Variants in GALNT13 observed in about 807,000 individuals in gnomAD.
The protein encoded by GALNT13 is polypeptide N-acetylgalactosaminyltransferase 13, also known as UDP-GalNAc:polypeptide N-acetylgalactosaminyltransferase 13.
Under a neutral mutation model 64.2 loss-of-function variants are expected in GALNT13, and 28 were observed. That is an observed-to-expected ratio of 0.44 (90% CI 0.32 to 0.60). The LOEUF (loss-of-function observed/expected upper bound fraction) is 0.60, where lower values mean the gene tolerates loss of function less well. Ranked by LOEUF, GALNT13 falls within the 20% of genes least tolerant of loss-of-function variation. GALNT13 has a pLI of 0.05. For missense variants in GALNT13, 577 were observed against 669.8 expected (o/e 0.86, Z 1.53); for synonymous variants, 214 against 224.6 (o/e 0.95, Z 0.42).
the GALNT13 span, among the ~76,000 whole-genome samples, chr2:153,282,131 T>G: frequency 2.0e-5 from 3 of 152,128 alleles, no homozygotes; most frequent in Non-Finnish European, 2.9e-5. Flanking sequence ...TTTTTTTTTC[T>G]GACTGGGTTT....
At chr2:153,270,765 T>A in the GALNT13 span, among the ~76,000 whole-genome samples, 1 of 152,098 alleles carries the variant, frequency 6.6e-6, no homozygotes, top group Non-Finnish European at 1.5e-5. Flanking sequence ...GGTGGGAGGA[T>A]CACTTGAACT....
At chr2:154,127,749 T>G (rs1236455256) in intron 3 of GALNT13, among the ~76,000 whole-genome samples, 3 of 149,886 alleles carry the variant, frequency 2.0e-5, no homozygotes, top group Admixed American at 2.0e-4. Flanking sequence ...TATATGTGCA[T>G]ATATGTATAT....
the GALNT13 span, among the ~76,000 whole-genome samples, chr2:153,860,914 C>T: frequency 1.3e-5 from 2 of 152,154 alleles, no homozygotes; most frequent in Admixed American, 6.5e-5. Flanking sequence ...AGAAGGAGCT[C>T]TCATAGTACC....
chr2:154,010,890 A>G (rs1310139787), intron 3 of GALNT13, among the ~76,000 whole-genome samples: 1 of 151,852 alleles, frequency 6.6e-6, no homozygotes, highest in East Asian at 1.9e-4. Context: ...TATTCATAAT[A>G]GTCTCTGAGG....
chr2:153,825,072 CCCA>C, the GALNT13 span, among the ~76,000 whole-genome samples: 5 of 152,236 alleles, frequency 3.3e-5, no homozygotes, highest in African/African-American at 1.2e-4. Flanking sequence ...AACATCTTCC[CCCA>C]GGTATTCAAC....
chr2:154,034,757 T>TTGTTTAGTTCCG (rs1698555967), intron 3 of GALNT13, among the ~76,000 whole-genome samples: 2 of 152,170 alleles, frequency 1.3e-5, no homozygotes, highest in African/African-American at 4.8e-5. Context: ...TCTGTGTTGA[T>TTGTTTAGTTCCG]ACAAAAGATA....
At chr2:153,469,136 T>A in the GALNT13 span, among the ~76,000 whole-genome samples, 1 of 152,076 alleles carries the variant, frequency 6.6e-6, no homozygotes, top group Non-Finnish European at 1.5e-5. Flanking sequence ...AGAGGATATA[T>A]TGTCTAAAAA....
chr2:154,385,727 A>G (rs2105340843), intron 9 of GALNT13, among the ~76,000 whole-genome samples: 1 of 152,114 alleles, frequency 6.6e-6, no homozygotes. Flanking sequence ...CCGGTGCCTA[A>G]CTAAACCATA....
chr2:153,115,122 C>T, the GALNT13 span, among the ~76,000 whole-genome samples: 2 of 151,876 alleles, frequency 1.3e-5, no homozygotes, highest in Non-Finnish European at 2.9e-5. Flanking sequence ...CATGACTGTC[C>T]AGGTAAAGGC....
the GALNT13 span, among the ~76,000 whole-genome samples, chr2:153,443,555 A>AT: frequency 1.3e-5 from 2 of 152,158 alleles, no homozygotes; most frequent in Non-Finnish European, 2.9e-5. Context: ...CTTGAGTACT[A>AT]TTTTTTATGT....
At chr2:153,461,013 G>A in the GALNT13 span, among the ~76,000 whole-genome samples, 6 of 151,932 alleles carry the variant, frequency 3.9e-5, no homozygotes, top group Admixed American at 2.6e-4. Flanking sequence ...ACAGAGTTGT[G>A]GCGTATACAC....
intron 3 of GALNT13, among the ~76,000 whole-genome samples, chr2:153,993,589 C>T (rs1054837899): frequency 1.4e-5 from 2 of 146,938 alleles, no homozygotes; most frequent in African/African-American, 2.5e-5. Context: ...CTCAGCTACT[C>T]GGGAGGCTGA....
In GALNT13 at chr2:154,307,418, T is replaced by C. The variant is rs190137078; in HGVS notation, c.1156+5829T>C. ...TTAATTTAAAGTTAAAAATGAGATG[T>C]ATAAATAGCTTCATGTGTGAATACC... is the stretch of plus-strand genomic sequence containing the variant. On this transcript the variant is annotated intron_variant, in intron 9 of 12. Transcript: ENST00000392825. Among the ~76,000 whole-genome samples, 118 of 152,340 alleles carry C rather than the reference T, an allele frequency of 7.7e-4. 1 individual carries two copies. The highest frequency in any genetic ancestry group is 2.8e-3 in the African/African-American group (117 of 41,586).
chr2:153,368,551 A>C, the GALNT13 span, among the ~76,000 whole-genome samples: 1 of 152,188 alleles, frequency 6.6e-6, no homozygotes, highest in Non-Finnish European at 1.5e-5. Flanking sequence ...AGGATACCTC[A>C]GAACAAGGGT....
the GALNT13 span, among the ~76,000 whole-genome samples, chr2:153,093,236 CTTTTCTTTTTT>C: frequency 7.8e-6 from 1 of 129,010 alleles, no homozygotes; most frequent in Admixed American, 8.7e-5. Flanking sequence ...TTTTTCTTTT[CTTTTCTTTTTT>C]TTTTTTGTGG....
At chr2:153,977,936 A>T (rs1309733052) in intron 3 of GALNT13, among the ~76,000 whole-genome samples, 1 of 152,148 alleles carries the variant, frequency 6.6e-6, no homozygotes, top group Non-Finnish European at 1.5e-5. Context: ...AATCCTGGGA[A>T]TTATTGCATT....
the GALNT13 span, among the ~76,000 whole-genome samples, chr2:153,245,613 C>T: frequency 8.5e-5 from 13 of 152,062 alleles, no homozygotes; most frequent in Non-Finnish European, 1.6e-4. Flanking sequence ...GACCTCCCCC[C>T]CTCCCAACAC....
chr2:153,185,190 G>A, the GALNT13 span, among the ~76,000 whole-genome samples: 1 of 152,128 alleles, frequency 6.6e-6, no homozygotes, highest in Non-Finnish European at 1.5e-5. Flanking sequence ...TCAGTCTTAG[G>A]AGGGTACATG....
chr2:153,891,185 T>C (rs16834771), intron 1 of GALNT13, among the ~76,000 whole-genome samples: 1,816 of 152,114 alleles, frequency 0.012, 36 homozygotes, highest in African/African-American at 0.041. Context: ...GCTACATGCA[T>C]TTAATTAGAT....
Sources: allele counts gnomAD v4.1 joint callset (sites outside exome capture counted in the v4.1 genomes callset), GRCh38; gene constraint gnomAD v4.1.1; transcripts MANE v1.5; gene names NCBI Gene and HGNC (gene_info 2026-07-23, HGNC 2026-07-21).